INPP4B: variants seen among roughly 807,000 people sequenced by gnomAD.
The protein encoded by INPP4B is inositol polyphosphate 4-phosphatase type II.
INPP4B carries 55 observed loss-of-function variants against 122.5 expected under a neutral mutation model. The observed-to-expected ratio is 0.45, with a 90% confidence interval of 0.36 to 0.56. The LOEUF (loss-of-function observed/expected upper bound fraction) is 0.56, where lower values mean the gene tolerates loss of function less well. INPP4B is among the 20% of genes least tolerant of loss of function. The probability of loss-of-function intolerance (pLI) is 0.00; values close to 1 mark genes in which losing one functional copy is unlikely to be tolerated. For missense variants in INPP4B, 1,000 were observed against 1,097.7 expected, an observed-to-expected ratio of 0.91 and a Z score of 1.26; for synonymous variants, 403 against 388.7, an observed-to-expected ratio of 1.04 and a Z score of -0.43.
chr4:142,387,931 C>A (rs1487743073), intron 7 of INPP4B, among the ~76,000 whole-genome samples: 2 of 152,170 alleles, frequency 1.3e-5, no homozygotes, highest in East Asian at 3.9e-4. Context: ...AGTACTTTCT[C>A]TTGGTCTGTG....
At chr4:142,677,530 GAC>G (rs1490486712) in intron 2 of INPP4B, among the ~76,000 whole-genome samples, 1 of 152,046 alleles carries the variant, frequency 6.6e-6, no homozygotes, top group Non-Finnish European at 1.5e-5. Flanking sequence ...CTAGTATAAA[GAC>G]ACAGGCACAT....
chr4:142,747,394 A>G (rs3098932), intron 1 of INPP4B, among the ~76,000 whole-genome samples: 152,296 of 152,296 alleles, frequency 1, 76,148 homozygotes, highest in Non-Finnish European at 1. Flanking sequence ...AGGATGTGGA[A>G]AAATAGGAAT....
chr4:142,642,400 G>C (rs1182545596), intron 2 of INPP4B, among the ~76,000 whole-genome samples: 1 of 152,122 alleles, frequency 6.6e-6, no homozygotes, highest in Non-Finnish European at 1.5e-5. Flanking sequence ...TATGGTTTTA[G>C]GTCCAACATT....
At chr4:142,110,289 C>T (rs977075781) in intron 22 of INPP4B, among the ~76,000 whole-genome samples, 1 of 152,132 alleles carries the variant, frequency 6.6e-6, no homozygotes, top group African/African-American at 2.4e-5. Flanking sequence ...AGAGCCCTCA[C>T]TGGAAACCAA....
chr4:142,615,532 C>G (rs1027652289), intron 2 of INPP4B, among the ~76,000 whole-genome samples: 1 of 152,106 alleles, frequency 6.6e-6, no homozygotes, highest in Non-Finnish European at 1.5e-5. Flanking sequence ...TGTGAGTTAG[C>G]CCTTGTCTGG....
chr4:142,066,382 A>T (rs913224047), intron 25 of INPP4B, among the ~76,000 whole-genome samples: 2 of 152,198 alleles, frequency 1.3e-5, no homozygotes, highest in Non-Finnish European at 2.9e-5. Context: ...CTTACACTAG[A>T]CAAGCGGTTA....
chr4:142,591,909 G>A (rs899917681), intron 2 of INPP4B, among the ~76,000 whole-genome samples: 4 of 152,078 alleles, frequency 2.6e-5, no homozygotes, highest in African/African-American at 9.7e-5. Flanking sequence ...AGAAACTAGG[G>A]ATATATGATG....
chr4:142,438,361 A>C (rs58725098), intron 3 of INPP4B, among the ~76,000 whole-genome samples: 6,517 of 152,134 alleles, frequency 0.043, 309 homozygotes, highest in African/African-American at 0.11. Flanking sequence ...AACAAATATA[A>C]CAATGGAATA....
At chr4:142,742,329 T>C (rs773112103) in intron 1 of INPP4B, among the ~76,000 whole-genome samples, 4 of 152,026 alleles carry the variant, frequency 2.6e-5, no homozygotes, top group Admixed American at 6.6e-5. Context: ...AGGCTGATCT[T>C]CTGCTAAGTT....
chr4:142,319,147 C>T (rs561848547), intron 7 of INPP4B, among the ~76,000 whole-genome samples: 1 of 152,280 alleles, frequency 6.6e-6, no homozygotes, highest in South Asian at 2.1e-4. Flanking sequence ...GCACACTAGG[C>T]TGGCAGCACC....
intron 3 of INPP4B, among the ~76,000 whole-genome samples, chr4:142,439,564 G>A (rs1402376357): frequency 2.6e-5 from 4 of 152,128 alleles, no homozygotes; most frequent in Non-Finnish European, 5.9e-5. Flanking sequence ...ATTTATTTGG[G>A]CTGATTCTTG....
intron 25 of INPP4B, among the ~76,000 whole-genome samples, chr4:142,038,095 C>T (rs1225928858): frequency 3.9e-5 from 6 of 151,960 alleles, no homozygotes; most frequent in Admixed American, 2.6e-4. Context: ...TTAAATAACT[C>T]GAAATACTCT....
chr4:142,805,833 T>C (rs540332579), intron 1 of INPP4B, among the ~76,000 whole-genome samples: 1 of 152,198 alleles, frequency 6.6e-6, no homozygotes, highest in Non-Finnish European at 1.5e-5. Flanking sequence ...GTTGTTGTTT[T>C]TGGGGAGTCA....
intron 21 of INPP4B, among the ~76,000 whole-genome samples, chr4:142,117,714 T>TAGGC (rs969784454): frequency 6.6e-6 from 1 of 150,712 alleles, no homozygotes; most frequent in African/African-American, 2.4e-5. Context: ...TCATACTGAA[T>TAGGC]AGGCAAAAAC....
chr4:142,793,832 T>C (rs372298033), intron 1 of INPP4B, among the ~76,000 whole-genome samples: 6 of 152,102 alleles, frequency 3.9e-5, no homozygotes, highest in African/African-American at 7.2e-5. Context: ...ATCCACAAAG[T>C]AGTTAAGATT....
At chr4:142,600,170 T>G (rs1739601081) in intron 2 of INPP4B, among the ~76,000 whole-genome samples, 1 of 152,020 alleles carries the variant, frequency 6.6e-6, no homozygotes, top group Non-Finnish European at 1.5e-5. Flanking sequence ...GGCCCAGCAA[T>G]CCTCAATCAG....
chr4:142,056,794 G>A (rs1757935394), intron 25 of INPP4B, among the ~76,000 whole-genome samples: 1 of 152,112 alleles, frequency 6.6e-6, no homozygotes, highest in African/African-American at 2.4e-5. Context: ...GATGTCCATG[G>A]TGATAATAGG....
chr4:142,287,238 T>C (rs1754158492), intron 9 of INPP4B: 1 of 152,382 alleles, frequency 6.6e-6, no homozygotes, highest in South Asian at 2.1e-4. Flanking sequence ...TTCTGAATTA[T>C]AACCAGGAAA....
At chr4:142,118,353 A>G (rs2152733874) in intron 21 of INPP4B, among the ~76,000 whole-genome samples, 1 of 152,044 alleles carries the variant, frequency 6.6e-6, no homozygotes, top group Non-Finnish European at 1.5e-5. Flanking sequence ...TTAAGCCAAA[A>G]GAAGAAAGCT....
Sources: allele counts gnomAD v4.1 joint callset (sites outside exome capture counted in the v4.1 genomes callset), GRCh38; gene constraint gnomAD v4.1.1; transcripts MANE v1.5; gene names NCBI Gene and HGNC (gene_info 2026-07-23, HGNC 2026-07-21).